SCEL: variants seen among roughly 807,000 people sequenced by gnomAD.
SCEL encodes the protein sciellin.
SCEL carries 113 observed loss-of-function variants against 117.6 expected under a neutral mutation model. That is an observed-to-expected ratio of 0.96 (90% CI 0.83 to 1.12). The LOEUF (loss-of-function observed/expected upper bound fraction) is 1.12. Ranked by LOEUF, SCEL falls within the 50% of genes most tolerant of loss-of-function variation. SCEL has a pLI of 0.00. For missense variants in SCEL, 785 were observed against 810.8 expected (o/e 0.97, Z 0.39); for synonymous variants, 270 against 256.2 (o/e 1.05, Z -0.51).
chr13:77,537,465 C>T (rs181893873), intron 1 of SCEL, among the ~76,000 whole-genome samples: 2 of 152,246 alleles, frequency 1.3e-5, no homozygotes, highest in East Asian at 3.9e-4. Context: ...CTGTGGTTAC[C>T]CAGCACATGT....
At chr13:77,641,314 ATAGGACGT>A (rs565504653) in intron 31 of SCEL, among the ~76,000 whole-genome samples, 3 of 152,186 alleles carry the variant, frequency 2.0e-5, no homozygotes, top group Non-Finnish European at 4.4e-5. Context: ...TTGTGCTTTC[ATAGGACGT>A]TTCTTTGCAT....
At chr13:77,625,747 T>C (rs1387080907) in intron 27 of SCEL, among the ~76,000 whole-genome samples, 2 of 152,142 alleles carry the variant, frequency 1.3e-5, no homozygotes, top group East Asian at 1.9e-4. Context: ...ATGAGAACAT[T>C]TTATCATATT....
intron 5 of SCEL, among the ~76,000 whole-genome samples, chr13:77,566,840 A>G (rs139942583): frequency 1.3e-5 from 2 of 152,288 alleles, no homozygotes; most frequent in Admixed American, 1.3e-4. Flanking sequence ...AGGTTTTACA[A>G]TGGGTCTGGA....
At chr13:77,572,523 T>G (rs945990205) in intron 9 of SCEL, among the ~76,000 whole-genome samples, 9 of 152,152 alleles carry the variant, frequency 5.9e-5, no homozygotes, top group African/African-American at 2.2e-4. Flanking sequence ...GTCTCATGGT[T>G]TTAGAGGCCA....
intron 9 of SCEL, among the ~76,000 whole-genome samples, chr13:77,577,986 A>G (rs2086049721): frequency 6.6e-6 from 1 of 152,098 alleles, no homozygotes; most frequent in African/African-American, 2.4e-5. Context: ...AGAGAATCTT[A>G]TTATCATAAC....
chr13:77,603,884 G>A (rs2087910997), intron 18 of SCEL, among the ~76,000 whole-genome samples: 1 of 152,128 alleles, frequency 6.6e-6, no homozygotes, highest in Non-Finnish European at 1.5e-5. Flanking sequence ...TATTCTTTTA[G>A]TTAATATTGT....
rs1285015309 is a variant in SCEL, at chr13:77,563,829, A to G, written c.222-2A>G. 1.9e-6 allele frequency: 3 copies of G among 1,581,016 alleles called. No individual in the cohort carries two copies. The highest frequency in any genetic ancestry group is 1.7e-6 in the Non-Finnish European group (2 of 1,169,370). On this transcript the variant is annotated splice_acceptor_variant, in intron 4 of 32. Coordinates refer to ENST00000349847, the MANE Select transcript of SCEL (RefSeq NM_144777.3). LOFTEE classifies it high-confidence loss of function. The stretch of plus-strand genomic sequence containing the variant: ...TTTTTTTGGTAATTATGTTTGCTAC[A>G]GGAAAGTAAATGAGAGAGATGTGCC...
chr13:77,600,701 C>T (rs568900220), intron 15 of SCEL, among the ~76,000 whole-genome samples: 14 of 151,914 alleles, frequency 9.2e-5, no homozygotes, highest in African/African-American at 2.9e-4. Flanking sequence ...AAACCAAAGC[C>T]GTGACCATTT....
chr13:77,597,417 C>A (rs889222947), intron 12 of SCEL, 128 bp from the exon 13 acceptor site: 2 of 582,986 alleles, frequency 3.4e-6, no homozygotes, highest in Non-Finnish European at 6.1e-6. Flanking sequence ...TGAGGATCAT[C>A]AGGATTTTCG....
intron 9 of SCEL, among the ~76,000 whole-genome samples, chr13:77,583,897 A>G (rs1335710591): frequency 6.6e-6 from 1 of 152,230 alleles, no homozygotes; most frequent in Non-Finnish European, 1.5e-5. Flanking sequence ...AAATGAAGTA[A>G]TATAGACAGC....
intron 1 of SCEL, among the ~76,000 whole-genome samples, chr13:77,551,609 C>T (rs953802701): frequency 3.3e-5 from 5 of 152,014 alleles, no homozygotes; most frequent in South Asian, 2.1e-4. Flanking sequence ...CTTTGTGTTT[C>T]GAAATTTTCT....
At chr13:77,583,375 G>C (rs1323343002) in intron 9 of SCEL, among the ~76,000 whole-genome samples, 20 of 152,190 alleles carry the variant, frequency 1.3e-4, no homozygotes. Context: ...ATGGTTTACT[G>C]ACTGGCCACT....
intron 15 of SCEL, chr13:77,600,020 T>G (rs2087543557): frequency 1.0e-5 from 4 of 397,180 alleles, no homozygotes; most frequent in Non-Finnish European, 1.4e-5. Flanking sequence ...CCCCTTCATA[T>G]CTAAAATGGA....
chr13:77,546,102 C>G (rs1010651536), intron 1 of SCEL, among the ~76,000 whole-genome samples: 1 of 152,160 alleles, frequency 6.6e-6, no homozygotes, highest in Admixed American at 6.5e-5. Context: ...GGAACCATGT[C>G]AGGCCACTTC....
chr13:77,599,427 C>T (rs575297514), intron 14 of SCEL, 39 bp downstream of exon 14: 2 of 1,531,278 alleles, frequency 1.3e-6, no homozygotes, highest in Admixed American at 3.4e-5. Context: ...TCTTACCTTG[C>T]AGATTGCTCG....
chr13:77,599,675 C>A lies in SCEL; in HGVS notation c.858-14C>A. Reference sequence around the variant, plus strand: ...AGTATGCAGCCTTTTATGTGAATTTCTTTGTGTTTTCAGAGCCAAAAGCCT... The same window carrying A: ...AGTATGCAGCCTTTTATGTGAATTTATTTGTGTTTTCAGAGCCAAAAGCCT... On this transcript the variant is annotated splice_polypyrimidine_tract_variant and intron_variant, in intron 14 of 32. Coordinates refer to ENST00000349847, the MANE Select transcript of SCEL (RefSeq NM_144777.3). 1 of 1,594,854 alleles carries A rather than the reference C, an allele frequency of 6.3e-7. No homozygotes were observed.
intron 9 of SCEL, 103 bp from the exon 10 acceptor site, chr13:77,589,041 T>C: frequency 2.4e-6 from 2 of 823,610 alleles, no homozygotes; most frequent in Non-Finnish European, 4.0e-6. Flanking sequence ...GGTTGTAAGA[T>C]GCAAAGGATA....
chr13:77,561,801 T>C (rs1239432382), intron 4 of SCEL, among the ~76,000 whole-genome samples: 1 of 152,054 alleles, frequency 6.6e-6, no homozygotes, highest in African/African-American at 2.4e-5. Context: ...AAGGAGGTGG[T>C]CTTTGGTGTT....
intron 27 of SCEL, chr13:77,623,524 T>A (rs985707392): frequency 1.2e-4 from 18 of 152,216 alleles, no homozygotes; most frequent in African/African-American, 3.4e-4. Context: ...TGGTACTGTT[T>A]AATAAAATAA....
Sources: gnomAD v4.1 joint callset for allele counts (sites outside exome capture counted in the v4.1 genomes callset) on GRCh38, gnomAD v4.1.1 for gene constraint, MANE v1.5 for transcripts, NCBI Gene and HGNC (gene_info 2026-07-23, HGNC 2026-07-21) for gene names.